Variants in USP42 observed in about 807,000 individuals in gnomAD.
USP42 encodes ubiquitin specific peptidase 42.
USP42 carries 23 observed loss-of-function variants against 113.0 expected under a neutral mutation model. The observed-to-expected ratio is 0.20, with a 90% CI of 0.15 to 0.29. The LOEUF (loss-of-function observed/expected upper bound fraction) is 0.29. Ranked by LOEUF, USP42 falls within the 10% of genes least tolerant of loss-of-function variation. The pLI is 1.00. For synonymous variants in USP42, 933 were observed against 699.0 expected, an observed-to-expected ratio of 1.33 and a Z score of -5.28; for missense variants, 2,174 against 1,779.8, an observed-to-expected ratio of 1.22 and a Z score of -3.99.
rs916489646 is a variant in USP42, at chr7:6,139,067, C to A, written c.554-25C>A. On this transcript the variant is annotated intron_variant, in intron 4 of 17. Coordinates refer to ENST00000306177, the MANE Select transcript of USP42 (RefSeq NM_032172.3). This position sits in a 1 kb window ranked among gnomAD's most constrained non-coding sequence, Gnocchi z 4.5. ...AGGCTTATTACGTGTAATGATAAAG[C>A]CTTGTCTTTACCGAAATTTTACAGG... 4 of 1,517,682 alleles carry A rather than the reference C, an allele frequency of 2.6e-6. No individual in the cohort carries two copies. Among genetic ancestry groups the A allele is most frequent in the African/African-American group, 1.4e-5 (1 of 72,894 alleles). 94.0% of individuals were successfully genotyped at this position (1,517,682 alleles called of 1,614,324 possible). A position where few individuals can be genotyped will look rare whatever the true frequency, so the allele number is the denominator to read the frequency against.
the USP42 span, among the ~76,000 whole-genome samples, chr7:6,086,456 C>T: frequency 0.013 from 1,894 of 150,820 alleles, 36 homozygotes; most frequent in Middle Eastern, 0.038. Context: ...CCGCCCACCT[C>T]GGCCTCCCAA....
In USP42 at chr7:6,157,233, T is replaced by C; in HGVS notation, c.3943+178T>C. 1 of 1,403,622 alleles carries C rather than the reference T, an allele frequency of 7.1e-7. No homozygotes were observed. Among genetic ancestry groups the C allele is most frequent in the South Asian group, 1.6e-5 (1 of 61,860 alleles). 86.9% of individuals were successfully genotyped at this position (1,403,622 alleles called of 1,614,324 possible). On this transcript the variant is annotated intron_variant, in intron 16 of 17. Transcript: ENST00000306177. This position sits in a 1 kb window ranked among gnomAD's most constrained non-coding sequence, Gnocchi z 4.1. ...GCTCATCCCTGCAGTGTGGTTCCGT[T>C]GCACAGTTAAGCCCTTAGCGTTTAT...
chr7:6,149,885 A>G lies in USP42; in HGVS notation c.1689A>G (p.Val563=), dbSNP rs201766388. The part of the protein sequence containing the change: ...VPSSTITNSA[V]QSTSNASTMS... ...CTTCTACCATTACCAATTCTGCAGT[A>G]CAGTCTACCTCGAACGCATCTACGA... Residue 563 remains valine, a synonymous_variant, in exon 13 of 18, where the codon GTA becomes GTG. Coordinates refer to ENST00000306177, the MANE Select transcript of USP42 (RefSeq NM_032172.3). The G allele has an allele frequency of 3.0e-5, 49 of 1,614,062 alleles. No homozygotes were observed. The East Asian group carries it at 1.0e-3, about 34-fold the overall frequency.
rs765092639 is a variant in USP42, at chr7:6,140,973, T to C, written c.784T>C (p.Leu262=). The C allele has an allele frequency of 2.6e-6, 4 of 1,524,736 alleles. No homozygotes were observed. Among genetic ancestry groups the C allele is most frequent in the Non-Finnish European group, 3.6e-6 (4 of 1,120,636 alleles). The allele number at this position is 1,524,736 out of a possible 1,614,324, so 94.5% of individuals were successfully genotyped here. ...DTFDPYLDIT[L]EIKAAQSVNK... ...TTTTGATCCATATCTTGATATAACA[T>C]TGGAGATAAAGGTAAATTTCATAAT... The change falls in exon 7 of 18, where the codon TTG becomes CTG. Residue 262 remains leucine (L), a synonymous_variant. Coordinates refer to ENST00000306177, the MANE Select transcript of USP42 (RefSeq NM_032172.3).
intron 6 of USP42, 28 bp downstream of exon 6, chr7:6,140,223 A>C (rs777852271): frequency 6.3e-7 from 1 of 1,587,690 alleles, no homozygotes; most frequent in East Asian, 2.2e-5. Flanking sequence ...AGTTGATAAA[A>C]TGATACACAC....
intron 8 of USP42, 39 bp downstream of exon 8, chr7:6,143,053 T>A: frequency 1.9e-6 from 3 of 1,603,562 alleles, no homozygotes; most frequent in Non-Finnish European, 2.6e-6. Context: ...TGCCGGCTTC[T>A]CCAGTGGGGA....
At chr7:6,084,593 C>T in the USP42 span, 1 of 151,346 alleles carries the variant, frequency 6.6e-6, no homozygotes, top group Non-Finnish European at 1.5e-5. Context: ...CACGCTGCGG[C>T]ATCTGCTGTT....
chr7:6,160,437 A>G (rs1344017121), intron 17 of USP42, 118 bp from the exon 18 acceptor site: 1 of 146,734 alleles, frequency 6.8e-6, no homozygotes, highest in Non-Finnish European at 1.5e-5. Flanking sequence ...AGGCAGAGTG[A>G]TCTCCTCAAG....
chr7:6,144,241 G>T (rs775821600), intron 9 of USP42, 45 bp downstream of exon 9: 18 of 1,302,862 alleles, frequency 1.4e-5, no homozygotes, highest in Non-Finnish European at 1.9e-5. Context: ...CGAGCCTTTC[G>T]AAGCTTAACG....
intron 15 of USP42, 31 bp from the exon 16 acceptor site, chr7:6,156,723 G>A (rs754783264): frequency 1.3e-6 from 2 of 1,513,052 alleles, no homozygotes; most frequent in Middle Eastern, 1.8e-4. Context: ...TTGTGTTTTA[G>A]GGTTTTGAAT....
intron 1 of USP42, among the ~76,000 whole-genome samples, chr7:6,107,116 C>G (rs1164784697): frequency 6.6e-6 from 1 of 152,102 alleles, no homozygotes; most frequent in Admixed American, 6.6e-5. Context: ...CAAATGAAGG[C>G]GAATGGATAG....
intron 3 of USP42, among the ~76,000 whole-genome samples, chr7:6,121,423 T>C (rs984518788): frequency 6.6e-6 from 1 of 152,232 alleles, no homozygotes; most frequent in Non-Finnish European, 1.5e-5. Context: ...AAAACAGTTT[T>C]GTCTTCGTAA....
intron 2 of USP42, among the ~76,000 whole-genome samples, chr7:6,112,206 TG>T (rs1278028042): frequency 1.3e-5 from 2 of 152,150 alleles, no homozygotes; most frequent in African/African-American, 4.8e-5. Flanking sequence ...CCCAGCACTT[TG>T]GGAGGCCAAG....
chr7:6,117,185 T>C (rs1370257033), intron 3 of USP42, among the ~76,000 whole-genome samples: 1 of 152,152 alleles, frequency 6.6e-6, no homozygotes, highest in Non-Finnish European at 1.5e-5. Context: ...CCCTTTGAAA[T>C]CACCCTTTCC....
In USP42 at chr7:6,155,056, G is replaced by A; in HGVS notation, c.3502G>A (p.Glu1168Lys). The change falls in exon 15 of 18, where the codon GAG (glutamate) becomes AAG (lysine). Residue 1168 changes from glutamate (E) to lysine (K), a missense_variant. By Grantham distance (56) the Glu-to-Lys change is moderately conservative (BLOSUM62 1). Transcript: ENST00000306177. ...CCGGAAACGGAGACACGACAGTGTG[G>A]AGAACAGTGACAGTCATGTTGAAAA... ...KSRKRRHDSVENSDSHVEKKA... is the reference protein window; with the variant it reads ...KSRKRRHDSVKNSDSHVEKKA... The A allele has an allele frequency of 6.4e-7, 1 of 1,563,206 alleles. No homozygotes were observed. The highest frequency in any genetic ancestry group is 1.2e-5 in the South Asian group (1 of 84,582).
At position 6,154,619 on chromosome 7, in the gene USP42, C is replaced by A; in HGVS notation, c.3065C>A (p.Ser1022Tyr). The change falls in exon 15 of 18, where the codon TCC becomes TAC. Residue 1022 changes from serine (S) to tyrosine (Y), a missense_variant. Physicochemically the swap from Ser to Tyr is moderately radical, Grantham distance 144 (BLOSUM62 -2). Transcript: ENST00000306177. ...RSLGRCSHHH[S>Y]RHRSGVELDW... ...CTGGGCAGGTGCAGTCACCACCACTCCCGACACCGGAGCGGGGTGGAGCTG... is the reference window on the plus strand; with the variant it reads ...CTGGGCAGGTGCAGTCACCACCACTACCGACACCGGAGCGGGGTGGAGCTG... 6.3e-7 allele frequency: 1 copy of A among 1,596,924 alleles called. No individual in the cohort carries two copies. Among genetic ancestry groups the A allele is most frequent in the Non-Finnish European group, 8.5e-7 (1 of 1,173,398 alleles).
chr7:6,095,271 C>T, the USP42 span, among the ~76,000 whole-genome samples: 1 of 151,234 alleles, frequency 6.6e-6, no homozygotes, highest in Non-Finnish European at 1.5e-5. Flanking sequence ...AATAAGGGAA[C>T]CCTGAGGGTG....
chr7:6,088,912 C>G, the USP42 span: 6 of 150,970 alleles, frequency 4.0e-5, 1 homozygote, highest in African/African-American at 1.5e-4. Context: ...TAGGTATACT[C>G]ACAGGTCCAG....
chr7:6,082,606 T>G, the USP42 span, among the ~76,000 whole-genome samples: 1 of 78,990 alleles, frequency 1.3e-5, no homozygotes, highest in African/African-American at 4.0e-5. Flanking sequence ...TCTTTCTGTT[T>G]TTTTTTTTTT....
Sources: gnomAD v4.1 joint callset for allele counts (sites outside exome capture counted in the v4.1 genomes callset) on GRCh38, gnomAD v4.1.1 for gene constraint, Gnocchi (gnomAD v3.1) non-coding constraint, MANE v1.5 for transcripts, NCBI Gene and HGNC (gene_info 2026-07-23, HGNC 2026-07-21) for gene names.